FAM3B: variants seen among roughly 807,000 people sequenced by gnomAD.
The protein encoded by FAM3B is FAM3 metabolism regulating signaling molecule B, also known as protein FAM3B.
A neutral mutation model predicts 28.4 loss-of-function variants in FAM3B; 29 were observed. The ratio of observed to expected loss-of-function variants is 1.02; its 90% CI spans 0.76 to 1.39. FAM3B has a LOEUF of 1.39. FAM3B is among the 40% of genes most tolerant of loss of function. The pLI, the probability that FAM3B is intolerant of heterozygous loss-of-function variation, is 0.00. For missense variants in FAM3B, 266 were observed against 293.9 expected (o/e 0.91, Z 0.69); for synonymous variants, 91 against 103.0 (o/e 0.88, Z 0.71).
chr21:41,355,149 T>C (rs2089154448), intron 7 of FAM3B, among the ~76,000 whole-genome samples: 1 of 152,218 alleles, frequency 6.6e-6, no homozygotes, highest in South Asian at 2.1e-4. Flanking sequence ...AGGTTGGCTA[T>C]GATTTTTAAA....
At chr21:41,313,080 C>T (rs1568909087), upstream of FAM3B, among the ~76,000 whole-genome samples, 1 of 152,180 alleles carries the variant, frequency 6.6e-6, no homozygotes, top group South Asian at 2.1e-4. Flanking sequence ...GCAGGCTTCT[C>T]GAGGCCACTC....
chr21:41,321,890 C>T (rs902259171), intron 1 of FAM3B, among the ~76,000 whole-genome samples: 3 of 152,052 alleles, frequency 2.0e-5, no homozygotes, highest in Non-Finnish European at 2.9e-5. Context: ...CTTGACATTC[C>T]CTTCTCTTCC....
At chr21:41,321,437 G>T (rs2088804861) in intron 1 of FAM3B, among the ~76,000 whole-genome samples, 1 of 152,182 alleles carries the variant, frequency 6.6e-6, no homozygotes, top group South Asian at 2.1e-4. Flanking sequence ...TGCGGGAGAG[G>T]GGCCTGCAAG....
upstream of FAM3B, among the ~76,000 whole-genome samples, chr21:41,315,849 G>A (rs1332790673): frequency 6.6e-6 from 1 of 152,156 alleles, no homozygotes; most frequent in African/African-American, 2.4e-5. Context: ...CCCACAGGGT[G>A]GATAATGTCC....
intron 2 of FAM3B, among the ~76,000 whole-genome samples, chr21:41,324,158 T>G (rs2088835630): frequency 6.6e-6 from 1 of 152,154 alleles, no homozygotes; most frequent in Admixed American, 6.5e-5. Context: ...GGGGGACACA[T>G]TCAGTCCACA....
At chr21:41,308,700 C>T (rs905186046) in intron 1 of FAM3B, among the ~76,000 whole-genome samples, 6 of 151,890 alleles carry the variant, frequency 4.0e-5, no homozygotes, top group East Asian at 1.9e-4. Context: ...CCCCTACACC[C>T]GACTAATTTT....
intron 1 of FAM3B, chr21:41,322,650 G>C (rs771554032): frequency 2.0e-4 from 142 of 718,198 alleles, no homozygotes; most frequent in Non-Finnish European, 3.5e-4. Context: ...AAACGTTCAA[G>C]GACGTTTGTT....
At chr21:41,321,765 C>T (rs935953663) in intron 1 of FAM3B, among the ~76,000 whole-genome samples, 5 of 152,212 alleles carry the variant, frequency 3.3e-5, no homozygotes, top group African/African-American at 1.2e-4. Flanking sequence ...ATAGCCGGTG[C>T]ATGGGTCGGG....
chr21:41,306,879 G>A (rs1465932286), intron 1 of FAM3B, among the ~76,000 whole-genome samples: 3 of 152,184 alleles, frequency 2.0e-5, no homozygotes, highest in African/African-American at 7.2e-5. Context: ...TATGCAATAG[G>A]TAGTATTTCA....
intron 1 of FAM3B, among the ~76,000 whole-genome samples, chr21:41,309,135 G>C (rs2088697124): frequency 6.6e-6 from 1 of 152,220 alleles, no homozygotes; most frequent in South Asian, 2.1e-4. Flanking sequence ...AGGGTGGCCA[G>C]GGATTTCCAC....
chr21:41,306,027 C>T (rs1008240623), intron 1 of FAM3B, among the ~76,000 whole-genome samples: 1 of 152,240 alleles, frequency 6.6e-6, no homozygotes, highest in African/African-American at 2.4e-5. Context: ...ATTCTCAAAT[C>T]TTTGTTGTCA....
intron 3 of FAM3B, among the ~76,000 whole-genome samples, chr21:41,344,076 C>T (rs1364982924): frequency 6.6e-6 from 1 of 152,190 alleles, no homozygotes; most frequent in African/African-American, 2.4e-5. Flanking sequence ...GCCACGATTG[C>T]ACAACTGCAC....
At chr21:41,311,251 AATATATATATATATATATATAT>A (rs1168140562) in intron 1 of FAM3B, among the ~76,000 whole-genome samples, 21 of 35,074 alleles carry the variant, frequency 6.0e-4, no homozygotes, top group African/African-American at 8.4e-4. Flanking sequence ...AAAAAAAAAA[AATATATATATATATATATATAT>A]ATATATATAT....
upstream of FAM3B, among the ~76,000 whole-genome samples, chr21:41,312,352 C>A (rs2088720004): frequency 6.6e-6 from 1 of 152,092 alleles, no homozygotes. Context: ...TTCACTGAGT[C>A]ACACAGACCT....
intron 2 of FAM3B, 129 bp downstream of exon 2, chr21:41,323,195 G>A: frequency 8.2e-7 from 1 of 1,219,870 alleles, no homozygotes; most frequent in Middle Eastern, 2.9e-4. Flanking sequence ...GAGGAGAGAA[G>A]CATTTTGCAG....
At chr21:41,305,845 G>T (rs1001343388) in intron 1 of FAM3B, among the ~76,000 whole-genome samples, 2 of 152,144 alleles carry the variant, frequency 1.3e-5, no homozygotes, top group Admixed American at 1.3e-4. Flanking sequence ...GAGCGGCTGT[G>T]GCAATTTCTT....
At chr21:41,316,106 G>A (rs1014151498), upstream of FAM3B, among the ~76,000 whole-genome samples, 1 of 152,332 alleles carries the variant, frequency 6.6e-6, no homozygotes, top group Middle Eastern at 3.4e-3. Context: ...GAATGAAGGT[G>A]TACCCGTGGA....
At chr21:41,323,916 G>A (rs967754771) in intron 2 of FAM3B, among the ~76,000 whole-genome samples, 1 of 152,126 alleles carries the variant, frequency 6.6e-6, no homozygotes, top group Non-Finnish European at 1.5e-5. Context: ...TATAAACAAC[G>A]CATTTATTTC....
chr21:41,342,419 C>A (rs956125980), intron 3 of FAM3B, among the ~76,000 whole-genome samples: 1 of 152,156 alleles, frequency 6.6e-6, no homozygotes, highest in African/African-American at 2.4e-5. Context: ...GTATCTTCTG[C>A]CCATTCACTT....
Sources: allele counts gnomAD v4.1 joint callset (sites outside exome capture counted in the v4.1 genomes callset), GRCh38; gene constraint gnomAD v4.1.1; transcripts MANE v1.5; gene names NCBI Gene and HGNC (gene_info 2026-07-23, HGNC 2026-07-21).